PLPPR1: variants seen among roughly 807,000 people sequenced by gnomAD.
PLPPR1 encodes the protein phospholipid phosphatase-related protein type 1.
PLPPR1 carries 10 observed loss-of-function variants against 33.1 expected under a neutral mutation model. The ratio of observed to expected loss-of-function variants is 0.30; its 90% confidence interval spans 0.19 to 0.51. The LOEUF (loss-of-function observed/expected upper bound fraction) is 0.51. Ranked by LOEUF, PLPPR1 falls within the 20% of genes least tolerant of loss-of-function variation. The pLI is 0.97. For missense variants in PLPPR1, 304 were observed against 408.1 expected, an observed-to-expected ratio of 0.74 and a Z score of 2.20; for synonymous variants, 151 against 151.0, an observed-to-expected ratio of 1.00 and a Z score of 0.00.
At chr9:101,121,607 T>G (rs571816453) in intron 1 of PLPPR1, among the ~76,000 whole-genome samples, 5 of 152,344 alleles carry the variant, frequency 3.3e-5, no homozygotes, top group East Asian at 1.9e-4. Flanking sequence ...TAAACCTACC[T>G]TAGCTTCATT....
intron 2 of PLPPR1, among the ~76,000 whole-genome samples, chr9:101,202,484 C>A (rs1826512787): frequency 1.3e-5 from 2 of 152,166 alleles, no homozygotes; most frequent in South Asian, 2.1e-4. Context: ...ATCTTCATAT[C>A]CCTCAAGGCT....
At chr9:101,064,652 G>T (rs1473131722) in intron 1 of PLPPR1, among the ~76,000 whole-genome samples, 1 of 152,058 alleles carries the variant, frequency 6.6e-6, no homozygotes, top group African/African-American at 2.4e-5. Context: ...TTCTGGGTAG[G>T]AGGTGCATCT....
At chr9:101,243,124 T>C (rs1324937063) in intron 2 of PLPPR1, among the ~76,000 whole-genome samples, 1 of 151,976 alleles carries the variant, frequency 6.6e-6, no homozygotes, top group Non-Finnish European at 1.5e-5. Flanking sequence ...GTAGGTAACC[T>C]TACCTGAAGT....
chr9:101,248,997 AAAC>A (rs1436145835), intron 2 of PLPPR1, among the ~76,000 whole-genome samples: 1 of 152,078 alleles, frequency 6.6e-6, no homozygotes, highest in African/African-American at 2.4e-5. Context: ...AGAGGGTAAA[AAAC>A]AAAACAAATC....
chr9:101,130,277 C>T (rs1831298819), intron 1 of PLPPR1, among the ~76,000 whole-genome samples: 1 of 152,120 alleles, frequency 6.6e-6, no homozygotes, highest in Admixed American at 6.5e-5. Flanking sequence ...TGAGAAGCTC[C>T]TGCTTTGAGA....
At chr9:101,209,788 A>C (rs1312278890) in intron 2 of PLPPR1, among the ~76,000 whole-genome samples, 1 of 152,188 alleles carries the variant, frequency 6.6e-6, no homozygotes, top group East Asian at 1.9e-4. Flanking sequence ...ATTACTGCAA[A>C]TGTGGATAAT....
intron 3 of PLPPR1, among the ~76,000 whole-genome samples, chr9:101,276,629 G>T (rs1828201526): frequency 6.6e-6 from 1 of 152,104 alleles, no homozygotes; most frequent in South Asian, 2.1e-4. Flanking sequence ...TAGTATTTTA[G>T]CTAACTCATT....
At chr9:101,046,432 A>ATTTTTT (rs1830146989) in intron 1 of PLPPR1, among the ~76,000 whole-genome samples, 1 of 113,492 alleles carries the variant, frequency 8.8e-6, no homozygotes, top group Admixed American at 8.8e-5. Flanking sequence ...TACCTCTTTT[A>ATTTTTT]TTCTTTTTTT....
At chr9:101,259,765 G>A (rs925794185) in intron 2 of PLPPR1, among the ~76,000 whole-genome samples, 2 of 152,104 alleles carry the variant, frequency 1.3e-5, no homozygotes, top group African/African-American at 4.8e-5. Flanking sequence ...CAGAAAGGCG[G>A]GACAACTTGA....
At chr9:101,121,464 T>G (rs1321298530) in intron 1 of PLPPR1, among the ~76,000 whole-genome samples, 1 of 152,196 alleles carries the variant, frequency 6.6e-6, no homozygotes, top group Non-Finnish European at 1.5e-5. Flanking sequence ...CCAGGCCACC[T>G]TTTATGAAGA....
chr9:101,195,586 T>C (rs1311476365), intron 2 of PLPPR1, among the ~76,000 whole-genome samples: 1 of 152,086 alleles, frequency 6.6e-6, no homozygotes, highest in Non-Finnish European at 1.5e-5. Context: ...CGTGAGTGAC[T>C]GGACTAGGAG....
intron 5 of PLPPR1, among the ~76,000 whole-genome samples, chr9:101,312,122 ATTTTAAT>A (rs768422622): frequency 1.3e-5 from 2 of 152,110 alleles, no homozygotes. Context: ...CACACAGAAA[ATTTTAAT>A]ATTTTAAGAA....
chr9:101,124,872 C>A (rs534572048), intron 1 of PLPPR1, among the ~76,000 whole-genome samples: 1 of 152,168 alleles, frequency 6.6e-6, no homozygotes, highest in Admixed American at 6.5e-5. Flanking sequence ...GATGAGTTAA[C>A]GAATGGAATG....
At chr9:101,134,406 C>T (rs1479863635) in intron 1 of PLPPR1, among the ~76,000 whole-genome samples, 2 of 149,486 alleles carry the variant, frequency 1.3e-5, no homozygotes, top group Admixed American at 6.7e-5. Flanking sequence ...TTTTTGAGAC[C>T]ATTCCTTGTT....
chr9:101,180,211 T>C (rs574894093), intron 1 of PLPPR1, among the ~76,000 whole-genome samples: 14 of 143,646 alleles, frequency 9.7e-5, no homozygotes, highest in African/African-American at 3.0e-4. Flanking sequence ...CACACATATA[T>C]ATACACATAC....
At chr9:101,319,652 T>TG (rs1829117862) in intron 7 of PLPPR1, among the ~76,000 whole-genome samples, 1 of 152,212 alleles carries the variant, frequency 6.6e-6, no homozygotes, top group Non-Finnish European at 1.5e-5. Flanking sequence ...ATATACAGCC[T>TG]GTTGCTACAG....
rs1395269684 is a variant in PLPPR1 at position 101,250,058 on chromosome 9, T to C, written c.64-19822T>C. On this transcript the variant is annotated intron_variant, in intron 2 of 7. Transcript: ENST00000374874. ...ACAATTTAGGAAACACTTTACATGA[T>C]AAAAATGTTTTTTAAATGACTGCAT... 2.6e-5 allele frequency among the ~76,000 whole-genome samples: 4 copies of C among 152,096 alleles called. No individual in the cohort carries two copies. In the East Asian group the frequency reaches 5.8e-4, roughly 22 times the overall value.
rs1437555728 is a variant in PLPPR1 at position 101,029,871 on chromosome 9, G to A, written c.-46+769G>A. Among the ~76,000 whole-genome samples the A allele has an allele frequency of 7.9e-5, 12 of 152,234 alleles. 1 individual carries two copies. The highest frequency in any genetic ancestry group is 2.6e-4 in the Admixed American group (4 of 15,292). On this transcript the variant is annotated intron_variant, in intron 1 of 7. Transcript: ENST00000374874. ...GGAGCTGAACAGGGGCTGCTGCTGC[G>A]GCGGCGGCAGTGGGAAGACGGGGCT...
intron 1 of PLPPR1, among the ~76,000 whole-genome samples, chr9:101,129,280 G>A (rs1831286155): frequency 6.6e-6 from 1 of 151,848 alleles, no homozygotes; most frequent in South Asian, 2.1e-4. Flanking sequence ...ATGTGAAATG[G>A]TACATCCACC....
Sources: gnomAD v4.1 joint callset for allele counts (sites outside exome capture counted in the v4.1 genomes callset) on GRCh38, gnomAD v4.1.1 for gene constraint, MANE v1.5 for transcripts, NCBI Gene and HGNC (gene_info 2026-07-23, HGNC 2026-07-21) for gene names.